Variants in RUNX2 observed in about 807,000 individuals in gnomAD.
The protein encoded by RUNX2 is RUNX family transcription factor 2.
A neutral mutation model predicts 51.7 loss-of-function variants in RUNX2; 10 were observed. The observed-to-expected ratio is 0.19, with a 90% CI of 0.12 to 0.33. RUNX2 has a LOEUF of 0.33. Among genes scored for constraint, RUNX2 ranks in the 10% least tolerant of loss-of-function variants. The probability of loss-of-function intolerance (pLI) is 1.00; values close to 1 mark genes in which losing one functional copy is unlikely to be tolerated. For synonymous variants in RUNX2, 276 were observed against 273.6 expected, an observed-to-expected ratio of 1.01 and a Z score of -0.09; for missense variants, 562 against 691.3, an observed-to-expected ratio of 0.81 and a Z score of 2.10.
chr6:45,477,168 C>T (rs1799979917), intron 5 of RUNX2, among the ~76,000 whole-genome samples: 2 of 152,114 alleles, frequency 1.3e-5, no homozygotes, highest in African/African-American at 4.8e-5. Flanking sequence ...GCCACTGGCT[C>T]CTCATCTTTC....
At chr6:45,494,797 C>A (rs894054547) in intron 6 of RUNX2, among the ~76,000 whole-genome samples, 1 of 152,160 alleles carries the variant, frequency 6.6e-6, no homozygotes, top group Admixed American at 6.5e-5. Context: ...GGATTGACTT[C>A]TTTGTTTATT....
At chr6:45,467,068 G>A (rs574769417) in intron 5 of RUNX2, among the ~76,000 whole-genome samples, 4 of 152,178 alleles carry the variant, frequency 2.6e-5, no homozygotes, top group African/African-American at 4.8e-5. Flanking sequence ...CTGCTCCCAC[G>A]GCTTGACTGT....
intron 2 of RUNX2, among the ~76,000 whole-genome samples, chr6:45,419,671 G>C (rs1798137309): frequency 6.6e-6 from 1 of 152,210 alleles, no homozygotes; most frequent in Non-Finnish European, 1.5e-5. Context: ...CGGTGCCCGG[G>C]GTTAGAGCTC....
At chr6:45,450,534 C>A (rs933045625) in intron 5 of RUNX2, among the ~76,000 whole-genome samples, 6 of 152,192 alleles carry the variant, frequency 3.9e-5, no homozygotes, top group African/African-American at 9.7e-5. Context: ...TCTATAATCA[C>A]ATCTAATTGC....
intron 7 of RUNX2, among the ~76,000 whole-genome samples, chr6:45,530,288 C>G (rs1326973840): frequency 6.6e-6 from 1 of 152,208 alleles, no homozygotes; most frequent in East Asian, 1.9e-4. Context: ...AGTTTGAAAA[C>G]AATCTTTGTA....
chr6:45,437,377 A>AT (rs1798713454), intron 4 of RUNX2, among the ~76,000 whole-genome samples: 4 of 152,206 alleles, frequency 2.6e-5, no homozygotes, highest in Admixed American at 2.6e-4. Flanking sequence ...TGATGAAATC[A>AT]TCATACCACA....
intron 5 of RUNX2, among the ~76,000 whole-genome samples, chr6:45,467,774 C>A (rs1799678156): frequency 6.6e-6 from 1 of 152,194 alleles, no homozygotes; most frequent in African/African-American, 2.4e-5. Flanking sequence ...CTTTATCTTT[C>A]ATTCTAGCCG....
In RUNX2 at chr6:45,512,270, C is replaced by T. The variant is rs763466386; in HGVS notation, c.884C>T (p.Pro295Leu). Residue 295 changes from proline (P) to leucine (L), a missense_variant, in exon 7 of 9, where the codon CCG becomes CTG. Pro to Leu is a moderately conservative substitution (Grantham distance 98, BLOSUM62 -3). Coordinates refer to ENST00000647337, the MANE Select transcript of RUNX2 (RefSeq NM_001024630.4). ...ITDPRQAQSSPPWSYDQSYPS... is the reference protein window; with the variant it reads ...ITDPRQAQSSLPWSYDQSYPS... ...GACCCCAGGCAGGCACAGTCTTCCC[C>T]GCCGTGGTCCTATGACCAGTCTTAC... The T allele has an allele frequency of 8.7e-6, 14 of 1,613,900 alleles. No individual in the cohort carries two copies. The highest frequency in any genetic ancestry group is 4.4e-5 in the South Asian group (4 of 91,088).
At chr6:45,355,221 C>A (rs928559295) in intron 2 of RUNX2, among the ~76,000 whole-genome samples, 65 of 151,712 alleles carry the variant, frequency 4.3e-4, no homozygotes, top group African/African-American at 1.5e-3. Flanking sequence ...CTCAGCCTCC[C>A]AAAGTACTGG....
chr6:45,450,663 A>T (rs1395867604), intron 5 of RUNX2, among the ~76,000 whole-genome samples: 1 of 152,208 alleles, frequency 6.6e-6, no homozygotes, highest in African/African-American at 2.4e-5. Context: ...GGGAGATGAC[A>T]TCGGAGCACA....
intron 2 of RUNX2, among the ~76,000 whole-genome samples, chr6:45,348,458 A>C: frequency 6.7e-6 from 1 of 148,522 alleles, no homozygotes; most frequent in Non-Finnish European, 1.5e-5. Flanking sequence ...CTTGAGGTCT[A>C]GAGTTCCAGA....
At chr6:45,365,203 C>G (rs1168392102) in intron 2 of RUNX2, 11 of 1,597,222 alleles carry the variant, frequency 6.9e-6, no homozygotes, top group Non-Finnish European at 9.4e-6. Flanking sequence ...ATACTTACAT[C>G]ATACTCTGTA....
At chr6:45,489,845 TA>T (rs1800407767) in intron 5 of RUNX2, among the ~76,000 whole-genome samples, 1 of 152,308 alleles carries the variant, frequency 6.6e-6, no homozygotes, top group East Asian at 1.9e-4. Flanking sequence ...TTGTTTAGGG[TA>T]ATGGGTGAAT....
intron 2 of RUNX2, among the ~76,000 whole-genome samples, chr6:45,390,136 T>G (rs2150346520): frequency 6.6e-6 from 1 of 152,242 alleles, no homozygotes; most frequent in East Asian, 1.9e-4. Context: ...TTATCCTGAT[T>G]CTGTTGTGAC....
At chr6:45,397,503 T>C (rs1297556716) in intron 2 of RUNX2, among the ~76,000 whole-genome samples, 1 of 152,144 alleles carries the variant, frequency 6.6e-6, no homozygotes, top group African/African-American at 2.4e-5. Context: ...ATTTGAGAGT[T>C]TCTGTGTCAC....
intron 2 of RUNX2, among the ~76,000 whole-genome samples, chr6:45,411,986 A>G (rs1797960915): frequency 6.6e-6 from 1 of 152,140 alleles, no homozygotes; most frequent in Non-Finnish European, 1.5e-5. Context: ...ACTCAATAGC[A>G]TTTTAGACTT....
At chr6:45,343,580 T>G (rs1790268067) in intron 2 of RUNX2, among the ~76,000 whole-genome samples, 1 of 152,136 alleles carries the variant, frequency 6.6e-6, no homozygotes. Context: ...TAACTCTCTC[T>G]TGTAAAAAAT....
chr6:45,461,822 T>C (rs909757628), intron 5 of RUNX2, among the ~76,000 whole-genome samples: 1 of 152,150 alleles, frequency 6.6e-6, no homozygotes, highest in African/African-American at 2.4e-5. Context: ...TACTACATAA[T>C]TTGCTAAGTG....
intron 2 of RUNX2, among the ~76,000 whole-genome samples, chr6:45,332,822 T>G (rs1464071112): frequency 1.3e-5 from 2 of 151,750 alleles, no homozygotes; most frequent in East Asian, 3.9e-4. Context: ...TTCTAGTCAC[T>G]CACAAGTCAG....
Sources: gnomAD v4.1 joint callset for allele counts (sites outside exome capture counted in the v4.1 genomes callset) on GRCh38, gnomAD v4.1.1 for gene constraint, MANE v1.5 for transcripts, NCBI Gene and HGNC (gene_info 2026-07-23, HGNC 2026-07-21) for gene names.